UIMC1: variants seen among roughly 807,000 people sequenced by gnomAD.
The protein encoded by UIMC1 is ubiquitin interaction motif containing 1, also known as BRCA1-A complex subunit RAP80.
UIMC1 carries 42 observed loss-of-function variants against 84.9 expected under a neutral mutation model. The observed-to-expected ratio is 0.49, with a 90% confidence interval of 0.39 to 0.64. The LOEUF (loss-of-function observed/expected upper bound fraction) is 0.64. UIMC1 is among the 30% of genes least tolerant of loss of function. The probability of loss-of-function intolerance (pLI) is 0.00; values close to 1 mark genes in which losing one functional copy is unlikely to be tolerated. For missense variants in UIMC1, 825 were observed against 847.6 expected (o/e 0.97, Z 0.33); for synonymous variants, 281 against 293.0 (o/e 0.96, Z 0.42).
At chr5:176,990,529 A>G (rs1772669989) in intron 1 of UIMC1, among the ~76,000 whole-genome samples, 1 of 152,164 alleles carries the variant, frequency 6.6e-6, no homozygotes, top group African/African-American at 2.4e-5. Flanking sequence ...ATAAGATGAC[A>G]TATTTGTACT....
intron 9 of UIMC1, among the ~76,000 whole-genome samples, chr5:176,950,660 A>G (rs1390257458): frequency 1.3e-5 from 2 of 151,932 alleles, no homozygotes; most frequent in African/African-American, 4.8e-5. Context: ...ACTTGAGGTC[A>G]GGAGTTCAAT....
chr5:176,926,621 A>G (rs1227367919), intron 10 of UIMC1, among the ~76,000 whole-genome samples: 1 of 151,426 alleles, frequency 6.6e-6, no homozygotes, highest in Admixed American at 6.6e-5. Flanking sequence ...TGGGTGACAA[A>G]GCAAGACCCT....
chr5:176,952,013 T>C (rs1765946662), intron 8 of UIMC1, among the ~76,000 whole-genome samples: 1 of 152,228 alleles, frequency 6.6e-6, no homozygotes, highest in African/African-American at 2.4e-5. Flanking sequence ...GTCTTTTGTG[T>C]CCAGCTTCTT....
intron 1 of UIMC1, among the ~76,000 whole-genome samples, chr5:176,984,216 C>T (rs1771568072): frequency 7.3e-6 from 1 of 137,794 alleles, no homozygotes; most frequent in Non-Finnish European, 1.6e-5. Context: ...GCGCCTCTGC[C>T]CGGCCGCCCC....
intron 11 of UIMC1, 37 bp downstream of exon 11, chr5:176,911,274 T>C (rs201858918): frequency 1.3e-6 from 2 of 1,553,368 alleles, no homozygotes; most frequent in African/African-American, 2.8e-5. Flanking sequence ...GATGGTATGT[T>C]ATACAAGAGC....
At chr5:176,975,325 A>G in intron 3 of UIMC1, 71 bp downstream of exon 3, 2 of 1,460,132 alleles carry the variant, frequency 1.4e-6, no homozygotes, top group Non-Finnish European at 1.9e-6. Flanking sequence ...AACATAATCA[A>G]CTAGTCCAAA....
intron 1 of UIMC1, among the ~76,000 whole-genome samples, chr5:177,013,360 A>AC (rs1203163946): frequency 6.0e-5 from 8 of 132,466 alleles, no homozygotes; most frequent in South Asian, 2.9e-4. Flanking sequence ...GACTGCATCC[A>AC]AACACACACA....
chr5:176,975,273 A>G, intron 3 of UIMC1, 123 bp downstream of exon 3: 1 of 954,426 alleles, frequency 1.0e-6, no homozygotes. Context: ...AAAACTGATA[A>G]ATTCACAACT....
chr5:176,927,206 G>GAAAA (rs1220549611), intron 10 of UIMC1, among the ~76,000 whole-genome samples: 3 of 44,626 alleles, frequency 6.7e-5, no homozygotes, highest in Non-Finnish European at 4.6e-5. Context: ...CTTTAAAAAA[G>GAAAA]AAAAAAAAAA....
intron 8 of UIMC1, among the ~76,000 whole-genome samples, chr5:176,955,447 G>A (rs1340191898): frequency 6.6e-6 from 1 of 152,114 alleles, no homozygotes; most frequent in Non-Finnish European, 1.5e-5. Context: ...AAAAGGCTGT[G>A]AAGTCCAGGC....
intron 10 of UIMC1, among the ~76,000 whole-genome samples, chr5:176,942,757 A>AG (rs1489404967): frequency 6.7e-6 from 1 of 150,308 alleles, no homozygotes; most frequent in African/African-American, 2.5e-5. Flanking sequence ...AAAAAAAAAA[A>AG]AAAAAAAAAA....
chr5:176,966,215 T>TTG (rs1768274801), intron 6 of UIMC1, among the ~76,000 whole-genome samples: 1 of 152,232 alleles, frequency 6.6e-6, no homozygotes, highest in Non-Finnish European at 1.5e-5. Context: ...GAATTACCAG[T>TTG]TGTTCAGTGC....
intron 10 of UIMC1, among the ~76,000 whole-genome samples, chr5:176,940,481 T>G (rs1751569880): frequency 6.6e-6 from 1 of 152,180 alleles, no homozygotes. Flanking sequence ...AGATACCCAA[T>G]ACCAGCTGTG....
intron 2 of UIMC1, chr5:176,980,318 GTCCATCCGTCCATCCGTCCA>G (rs1276683762): frequency 6.6e-6 from 1 of 151,490 alleles, no homozygotes; most frequent in African/African-American, 2.4e-5. Flanking sequence ...CCGTCCATCC[GTCCATCCGTCCATCCGTCCA>G]TCCATCCATC....
rs564538998 is a variant in UIMC1 at position 176,906,032 on chromosome 5, G to T, written c.1928C>A (p.Ser643Tyr). The T allele has an allele frequency of 3.7e-6, 6 of 1,613,922 alleles. No homozygotes were observed. Among genetic ancestry groups the T allele is most frequent in the Non-Finnish European group, 5.1e-6 (6 of 1,179,968 alleles). The change falls in exon 14 of 15, where the codon TCT becomes TAT. Residue 643 changes from serine to tyrosine, a missense_variant. Physicochemically the swap from Ser to Tyr is moderately radical, Grantham distance 144. Transcript: ENST00000511320. The stretch of plus-strand genomic sequence containing the variant: ...TCACCTGAAGGCTCCTGTTTCTGAA[G>T]ACTTGATGTCTGCATCTGTGATATA... ...EHKTSDADIK[S>Y]SETGAFRVPS...
chr5:176,938,952 A>G (rs953938328), intron 10 of UIMC1, among the ~76,000 whole-genome samples: 2 of 140,602 alleles, frequency 1.4e-5, no homozygotes, highest in African/African-American at 5.2e-5. Context: ...AGCACCATTT[A>G]AAAAAAAAAA....
intron 1 of UIMC1, among the ~76,000 whole-genome samples, chr5:176,992,437 C>T (rs1773009961): frequency 6.8e-6 from 1 of 147,816 alleles, no homozygotes. Flanking sequence ...CGAGCCTCAG[C>T]AACATAGTGA....
At chr5:176,905,956 G>A in intron 14 of UIMC1, 55 bp downstream of exon 14, 1 of 1,592,302 alleles carries the variant, frequency 6.3e-7, no homozygotes, top group Non-Finnish European at 8.6e-7. Context: ...ACAGGACAAG[G>A]CCTGCACTTT....
chr5:176,932,992 C>T (rs1264404998), intron 10 of UIMC1, among the ~76,000 whole-genome samples: 2 of 151,846 alleles, frequency 1.3e-5, no homozygotes, highest in Non-Finnish European at 2.9e-5. Flanking sequence ...ACATCAGTGC[C>T]ACTTCTGTTC....
Sources: allele counts gnomAD v4.1 joint callset (sites outside exome capture counted in the v4.1 genomes callset), GRCh38; gene constraint gnomAD v4.1.1; transcripts MANE v1.5; gene names NCBI Gene and HGNC (gene_info 2026-07-23, HGNC 2026-07-21).